Variants in PLK2 observed in about 807,000 individuals in gnomAD.
PLK2 encodes polo like kinase 2.
PLK2 carries 25 observed loss-of-function variants against 78.1 expected under a neutral mutation model. The ratio of observed to expected loss-of-function variants is 0.32; its 90% confidence interval spans 0.23 to 0.45. The LOEUF is 0.45. PLK2 is among the 20% of genes least tolerant of loss of function. The pLI is 1.00. For synonymous variants in PLK2, 332 were observed against 298.2 expected (o/e 1.11, Z -1.17); for missense variants, 566 against 840.2 (o/e 0.67, Z 4.04).
In PLK2 at chr5:58,460,052, GC is replaced by G; in HGVS notation, c.-94del. 1.4e-6 allele frequency: 2 copies of G among 1,424,498 alleles called. No homozygotes were observed. Among genetic ancestry groups the G allele is most frequent in the Non-Finnish European group, 1.9e-6 (2 of 1,059,426 alleles). 88.2% of individuals were successfully genotyped at this position (1,424,498 alleles called of 1,614,324 possible). A position where few individuals can be genotyped will look rare whatever the true frequency, so the allele number is the denominator to read the frequency against. ...TGGTCCTCGCACCCTTGCCTCTGGTGCCGACTAGCACCCAACACCCCGGTCC... is the reference window on the plus strand; with the variant it reads ...TGGTCCTCGCACCCTTGCCTCTGGTGCGACTAGCACCCAACACCCCGGTCC... On this transcript the variant is annotated 5_prime_UTR_variant, in exon 1 of 14. Coordinates refer to ENST00000274289, the MANE Select transcript of PLK2 (RefSeq NM_006622.4).
chr5:58,457,624 C>A, intron 5 of PLK2, 41 bp from the exon 6 acceptor site: 1 of 1,188,962 alleles, frequency 8.4e-7, no homozygotes, highest in South Asian at 1.2e-5. Flanking sequence ...GGAACTATTC[C>A]ACTACTTAAA....
Position 58,459,057 on chromosome 5 carries a change from C to G in PLK2, c.306G>C (p.Leu102Phe). The G allele has an allele frequency of 6.2e-7, 1 of 1,612,446 alleles. No homozygotes were observed. The highest frequency in any genetic ancestry group is 8.5e-7 in the Non-Finnish European group (1 of 1,178,686). ...TTGCGGCGTAGACTTTGTTATTTGT[C>G]AAATCTGTCATCTCGTAACATTTTG... ...GFAKCYEMTDLTNNKVYAAKI... is the reference protein window; with the variant it reads ...GFAKCYEMTDFTNNKVYAAKI... The change falls in exon 2 of 14, where the codon TTG becomes TTC. Residue 102 changes from leucine to phenylalanine, a missense_variant. By Grantham distance (22) the Leu-to-Phe change is conservative (BLOSUM62 0). This residue lies in a region of PLK2 where 179 missense variants were observed against 342.3 expected (regional missense o/e 0.52). Coordinates refer to ENST00000274289, the MANE Select transcript of PLK2 (RefSeq NM_006622.4).
chr5:58,454,519 T>A lies in PLK2; in HGVS notation c.*64A>T. 9.0e-7 allele frequency: 1 copy of A among 1,114,624 alleles called. No homozygotes were observed. Among genetic ancestry groups the A allele is most frequent in the Admixed American group, 2.1e-5 (1 of 46,932 alleles). The allele number at this position is 1,114,624 out of a possible 1,614,324, so 69.0% of individuals were successfully genotyped here. On this transcript the variant is annotated 3_prime_UTR_variant, in exon 14 of 14. Coordinates refer to ENST00000274289, the MANE Select transcript of PLK2 (RefSeq NM_006622.4). Reference sequence around the variant, plus strand: ...CTTCAACATACTCTAGATCATTCTTTTGGCTTCCCTGTAGATCTCACAGTG... The same window carrying A: ...CTTCAACATACTCTAGATCATTCTTATGGCTTCCCTGTAGATCTCACAGTG...
Position 58,454,576 on chromosome 5 carries a change from A to C in PLK2, c.*7T>G, listed in dbSNP as rs775645709. 3 of 1,599,374 alleles carry C rather than the reference A, an allele frequency of 1.9e-6. No homozygotes were observed. Among genetic ancestry groups the C allele is most frequent in the Admixed American group, 3.4e-5 (2 of 58,910 alleles). ...AGGAGTCCCATAGGGTCCATTCGAA[A>C]AGTCTTTCAGTTACATCTTTGTAAG... On this transcript the variant is annotated 3_prime_UTR_variant, in exon 14 of 14. Transcript: ENST00000274289.
Position 58,454,715 on chromosome 5 carries a change from A to G in PLK2, c.1926T>C (p.Leu642=), listed in dbSNP as rs776504740. 1 of 1,613,148 alleles carries G rather than the reference A, an allele frequency of 6.2e-7. No individual in the cohort carries two copies. The highest frequency in any genetic ancestry group is 8.5e-7 in the Non-Finnish European group (1 of 1,179,212). ...TCCTATCCTCATTGATGTAGGTGAGAAGGTATTCTTCATTTTGGCTACAGA... is the reference window on the plus strand; with the variant it reads ...TCCTATCCTCATTGATGTAGGTGAGGAGGTATTCTTCATTTTGGCTACAGA... ...IIICSQNEEY[L]LTYINEDRIS... The change falls in exon 14 of 14, where the codon CTT becomes CTC. Residue 642 remains leucine (L), a synonymous_variant. Coordinates refer to ENST00000274289, the MANE Select transcript of PLK2 (RefSeq NM_006622.4).
chr5:58,459,426 T>C, intron 1 of PLK2: 1 of 564,258 alleles, frequency 1.8e-6, no homozygotes, highest in Non-Finnish European at 3.1e-6. Flanking sequence ...AGGTCTGATG[T>C]AGAAAGCCCT....
chr5:58,458,864 G>T, intron 2 of PLK2, 23 bp from the exon 3 acceptor site: 1 of 1,444,302 alleles, frequency 6.9e-7, no homozygotes, highest in Non-Finnish European at 9.7e-7. Flanking sequence ...GCAAGGTAAG[G>T]CTTATTAGCT....
rs535737025 is a variant in PLK2 at position 58,457,728 on chromosome 5, G to A, written c.714-145C>T. The stretch of plus-strand genomic sequence containing the variant: ...TTCTATTTGGAAACATTTGACTTTT[G>A]GCATCTGAAAATTCAATTGAGATCT... On this transcript the variant is annotated intron_variant, in intron 5 of 13. Coordinates refer to ENST00000274289, the MANE Select transcript of PLK2 (RefSeq NM_006622.4). 4.4e-5 allele frequency: 27 copies of A among 616,450 alleles called. No homozygotes were observed. In the African/African-American group the frequency reaches 4.6e-4, roughly 11 times the overall value. 38.2% of individuals were successfully genotyped at this position (616,450 alleles called of 1,614,324 possible).
chr5:58,459,330 T>C (rs1329765934), intron 1 of PLK2: 1 of 576,850 alleles, frequency 1.7e-6, no homozygotes, highest in South Asian at 2.3e-5. Flanking sequence ...GGGAGCTTTA[T>C]GGAGGGAGTT....
At chr5:58,456,277 A>G in intron 9 of PLK2, 122 bp from the exon 10 acceptor site, 1 of 958,162 alleles carries the variant, frequency 1.0e-6, no homozygotes, top group Middle Eastern at 2.2e-4. Context: ...CAATGGACAC[A>G]AGCCAGATAA....
chr5:58,456,777 G>T, intron 8 of PLK2, 168 bp downstream of exon 8: 1 of 625,006 alleles, frequency 1.6e-6, no homozygotes, highest in Non-Finnish European at 2.7e-6. Context: ...AAAATAAAAA[G>T]CTATCAATCA....
chr5:58,460,069 A>C lies in PLK2; in HGVS notation c.-110T>G. 7.9e-7 allele frequency: 1 copy of C among 1,261,672 alleles called. No homozygotes were observed. Among genetic ancestry groups the C allele is most frequent in the Non-Finnish European group, 1.1e-6 (1 of 926,222 alleles). The allele number at this position is 1,261,672 out of a possible 1,614,324, so 78.2% of individuals were successfully genotyped here. A position where few individuals can be genotyped will look rare whatever the true frequency, so the allele number is the denominator to read the frequency against. ...CCTCTGGTGCCGACTAGCACCCAAC[A>C]CCCCGGTCCACTTGTGCGAGTGAGA... On this transcript the variant is annotated 5_prime_UTR_variant, in exon 1 of 14. Coordinates refer to ENST00000274289, the MANE Select transcript of PLK2 (RefSeq NM_006622.4).
At chr5:58,458,583 T>C in intron 3 of PLK2, 55 bp from the exon 4 acceptor site, 4 of 1,538,428 alleles carry the variant, frequency 2.6e-6, no homozygotes, top group Non-Finnish European at 3.6e-6. Context: ...TCAAAATCAC[T>C]GGTTTCCCTT....
chr5:58,459,873 G>A lies in PLK2; in HGVS notation c.87C>T (p.Asp29=), dbSNP rs747606186. 1 of 1,611,738 alleles carries A rather than the reference G, an allele frequency of 6.2e-7. No individual in the cohort carries two copies. The highest frequency in any genetic ancestry group is 1.7e-5 in the Admixed American group (1 of 59,984). The change falls in exon 1 of 14, where the codon GAC becomes GAT. Residue 29 remains aspartate (D), a synonymous_variant. Coordinates refer to ENST00000274289, the MANE Select transcript of PLK2 (RefSeq NM_006622.4). ...EQALGKGCGA[D]SKKKRPPQPP... is the part of the protein sequence containing the mutation. Reference sequence around the variant, plus strand: ...GCTGCGGCGGCCGCTTCTTCTTCGAGTCCGCTCCGCAACCCTTGCCCAGCG... The same window carrying A: ...GCTGCGGCGGCCGCTTCTTCTTCGAATCCGCTCCGCAACCCTTGCCCAGCG...
At chr5:58,457,694 A>G (rs1743646699) in intron 5 of PLK2, 111 bp from the exon 6 acceptor site, 3 of 667,936 alleles carry the variant, frequency 4.5e-6, no homozygotes, top group Non-Finnish European at 8.0e-6. Flanking sequence ...CTTAAAATCT[A>G]TACTGAATTT....
intron 1 of PLK2, chr5:58,459,405 T>C: frequency 1.8e-6 from 1 of 566,722 alleles, no homozygotes; most frequent in Non-Finnish European, 3.1e-6. Flanking sequence ...TGGGAGCAGA[T>C]AGAGGGAGAG....
rs1743671736 is a variant in PLK2, at chr5:58,458,595, G to A, written c.496-67C>T. ...TTATCAAAATCACTGGTTTCCCTTT[G>A]CAGGATGAGCAATGAAAGTTAACTT... On this transcript the variant is annotated intron_variant, in intron 3 of 13. Transcript: ENST00000274289. 4 of 1,476,578 alleles carry A rather than the reference G, an allele frequency of 2.7e-6. No individual in the cohort carries two copies. In the African/African-American group the frequency reaches 4.2e-5, roughly 16 times the overall value. The allele number at this position is 1,476,578 out of a possible 1,614,324, so 91.5% of individuals were successfully genotyped here. A position where few individuals can be genotyped will look rare whatever the true frequency, so the allele number is the denominator to read the frequency against.
rs1743578154 is a variant in PLK2, at chr5:58,455,619, G to C, written c.1545C>G (p.Gly515=). 6.8e-6 allele frequency: 11 copies of C among 1,613,888 alleles called. No homozygotes were observed. The highest frequency in any genetic ancestry group is 6.7e-5 in the African/African-American group (5 of 75,028). Residue 515 remains glycine (G), a synonymous_variant, in exon 11 of 14, where the codon GGC becomes GGG. Transcript: ENST00000274289. ...TKWVDYSNKY[G]FGYQLSDHTV... is the part of the protein sequence containing the mutation. ...TGTGGTCTGAGAGCTGGTACCCAAA[G>C]CCATATTTGTTAGAGTAATCAACCC... is the stretch of plus-strand genomic sequence containing the variant.
Position 58,458,446 on chromosome 5 carries a change from A to G in PLK2, c.578T>C (p.Leu193Pro). 6.2e-7 allele frequency: 1 copy of G among 1,613,736 alleles called. No homozygotes were observed. Among genetic ancestry groups the G allele is most frequent in the Non-Finnish European group, 8.5e-7 (1 of 1,179,578 alleles). Reference sequence around the variant, plus strand: ...GATTTCTTGTTCATGAAGGTATTTCAGTCCAGACACAATCTGCCTGAGGTA... The same window carrying G: ...GATTTCTTGTTCATGAAGGTATTTCGGTCCAGACACAATCTGCCTGAGGTA... Reference protein sequence around the residue: ...RYYLRQIVSGLKYLHEQEILH... With the variant: ...RYYLRQIVSGPKYLHEQEILH... The change falls in exon 4 of 14, where the codon CTG becomes CCG. Residue 193 changes from leucine to proline, a missense_variant. By Grantham distance (98) the Leu-to-Pro change is moderately conservative. Around this residue, in one of 5 missense-constraint regions of PLK2, gnomAD observed 179 missense variants for 342.3 expected, o/e 0.52. Coordinates refer to ENST00000274289, the MANE Select transcript of PLK2 (RefSeq NM_006622.4).
Sources: allele counts gnomAD v4.1 joint callset, GRCh38; gene constraint gnomAD v4.1.1; regional missense constraint gnomAD v4.1.1; transcripts MANE v1.5; gene names NCBI Gene and HGNC (gene_info 2026-07-23, HGNC 2026-07-21).